The following ATG7 variants were observed in gnomAD, a reference collection of about 807,000 sequenced individuals.
ATG7 encodes autophagy related 7, also known as ubiquitin-like modifier-activating enzyme ATG7.
ATG7 carries 70 observed loss-of-function variants against 82.4 expected under a neutral mutation model. That is an observed-to-expected ratio of 0.85 (90% CI 0.70 to 1.04). ATG7 has a LOEUF of 1.04. ATG7 is among the 50% of genes least tolerant of loss of function. The probability of loss-of-function intolerance (pLI) is 0.00; values close to 1 mark genes in which losing one functional copy is unlikely to be tolerated. For synonymous variants in ATG7, 287 were observed against 313.0 expected (o/e 0.92, Z 0.88); for missense variants, 792 against 864.3 (o/e 0.92, Z 1.05).
intron 20 of ATG7, among the ~76,000 whole-genome samples, chr3:11,450,126 T>A (rs2084965337): frequency 6.6e-6 from 1 of 152,230 alleles, no homozygotes; most frequent in East Asian, 1.9e-4. Flanking sequence ...AAGCATTTAT[T>A]TGGATTATCT....
chr3:11,440,612 C>G (rs1381593888), intron 20 of ATG7, among the ~76,000 whole-genome samples: 1 of 149,630 alleles, frequency 6.7e-6, no homozygotes, highest in Admixed American at 6.7e-5. Context: ...GCGTGAGCCA[C>G]CGCGCCCGGC....
chr3:11,492,355 C>G (rs189722892), intron 20 of ATG7, among the ~76,000 whole-genome samples: 1 of 152,188 alleles, frequency 6.6e-6, no homozygotes, highest in African/African-American at 2.4e-5. Context: ...TGTCCTGCGC[C>G]CACTGTCTGG....
intron 19 of ATG7, among the ~76,000 whole-genome samples, chr3:11,413,370 A>G (rs769184005): frequency 6.6e-6 from 1 of 152,096 alleles, no homozygotes; most frequent in Non-Finnish European, 1.5e-5. Flanking sequence ...TTTATCATGA[A>G]AGGGGTTGAA....
At chr3:11,539,248 AT>A (rs1439505708) in intron 20 of ATG7, among the ~76,000 whole-genome samples, 1 of 152,224 alleles carries the variant, frequency 6.6e-6, no homozygotes, top group Non-Finnish European at 1.5e-5. Context: ...GGGAGACAGC[AT>A]TTTTGTCCTC....
intron 14 of ATG7, among the ~76,000 whole-genome samples, chr3:11,353,652 C>T (rs1056511485): frequency 6.6e-6 from 1 of 152,078 alleles, no homozygotes; most frequent in Non-Finnish European, 1.5e-5. Context: ...TTCTCGACCT[C>T]TTAGTTCACG....
chr3:11,284,513 C>G (rs1270994779), intron 3 of ATG7, among the ~76,000 whole-genome samples: 1 of 152,150 alleles, frequency 6.6e-6, no homozygotes, highest in Admixed American at 6.5e-5. Flanking sequence ...CTTCGTAGGA[C>G]TGGTATGGTT....
chr3:11,281,003 C>T lies in ATG7; in HGVS notation c.-356C>T, dbSNP rs1575123606. ...CCTCTAATTATGTCAGGATCCAATTCCTGTATCTTCACCTTGTCTACCGGG... is the reference window on the plus strand; with the variant it reads ...CCTCTAATTATGTCAGGATCCAATTTCTGTATCTTCACCTTGTCTACCGGG... On this transcript the variant is annotated 5_prime_UTR_variant, in exon 2 of 21. Transcript: ENST00000693202. 2 of 152,308 alleles carry T rather than the reference C, an allele frequency of 1.3e-5. No homozygotes were observed. Among genetic ancestry groups the T allele is most frequent in the Admixed American group, 1.3e-4 (2 of 15,298 alleles). The allele number at this position is 152,308 out of a possible 1,614,324, so 9.4% of individuals were successfully genotyped here.
intron 20 of ATG7, among the ~76,000 whole-genome samples, chr3:11,506,553 A>C (rs542101130): frequency 9.4e-4 from 39 of 41,332 alleles, no homozygotes; most frequent in Middle Eastern, 0.01. Context: ...CCCCATCTCT[A>C]CAAAAAAAAA....
intron 19 of ATG7, among the ~76,000 whole-genome samples, chr3:11,407,572 A>G (rs559504430): frequency 6.6e-6 from 1 of 152,336 alleles, no homozygotes; most frequent in African/African-American, 2.4e-5. Flanking sequence ...GTTCTCCATG[A>G]GGACCCCACC....
chr3:11,350,923 CAAAAAA>C (rs10709080), intron 14 of ATG7, among the ~76,000 whole-genome samples: 2 of 57,620 alleles, frequency 3.5e-5, no homozygotes, highest in Non-Finnish European at 6.0e-5. Context: ...GACCCTAGCC[CAAAAAA>C]AAAAAAAAAA....
chr3:11,332,914 T>C, intron 10 of ATG7, 58 bp from the exon 11 acceptor site: 4 of 1,386,056 alleles, frequency 2.9e-6, no homozygotes, highest in Non-Finnish European at 3.8e-6. Context: ...GTGAGCTTTT[T>C]CTTTTCCTTC....
intron 1 of ATG7, among the ~76,000 whole-genome samples, chr3:11,275,531 T>TC (rs1239388090): frequency 6.7e-6 from 1 of 148,686 alleles, no homozygotes; most frequent in East Asian, 2.0e-4. Flanking sequence ...TTTTTTTTTT[T>TC]TTTTTTTTAG....
At chr3:11,332,137 C>G (rs1195453470) in intron 10 of ATG7, among the ~76,000 whole-genome samples, 1 of 152,088 alleles carries the variant, frequency 6.6e-6, no homozygotes, top group African/African-American at 2.4e-5. Context: ...TTCACACGTT[C>G]TTCAATAATG....
intron 20 of ATG7, among the ~76,000 whole-genome samples, chr3:11,551,178 C>CT (rs762097316): frequency 2.0e-5 from 3 of 152,228 alleles, no homozygotes; most frequent in Admixed American, 6.5e-5. Flanking sequence ...TGCGGGCCGT[C>CT]TGAGTGTTCC....
At chr3:11,388,319 C>G (rs7616608) in intron 19 of ATG7, among the ~76,000 whole-genome samples, 4 of 151,910 alleles carry the variant, frequency 2.6e-5, no homozygotes, top group African/African-American at 4.8e-5. Context: ...TGATGGAGGA[C>G]GGTACTAACT....
rs529067414 is a variant in ATG7 at position 11,305,007 on chromosome 3, C to G, written c.216-1936C>G. Among the ~76,000 whole-genome samples the G allele has an allele frequency of 2.6e-5, 4 of 152,256 alleles. No homozygotes were observed. In the South Asian group the frequency reaches 8.3e-4, roughly 32 times the overall value. ...CCCTTAGCAATTACTCTCCATCCCC[C>G]CTCCTCCATACTCACCAGCCCTAGC... On this transcript the variant is annotated intron_variant, in intron 5 of 20. Transcript: ENST00000693202.
At position 11,445,893 on chromosome 3, in the gene ATG7, A is replaced by G. The variant is rs147508598; in HGVS notation, c.2079+18967A>G. 4.8e-3 allele frequency among the ~76,000 whole-genome samples: 736 copies of G among 152,210 alleles called. 6 individuals are homozygous for G. Among genetic ancestry groups the G allele is most frequent in the African/African-American group, 0.017 (705 of 41,506 alleles). The stretch of plus-strand genomic sequence containing the variant: ...TTACTTTGCATTTTCCTGATCACTG[A>G]TGATGTTAAACGTCTTATGTATATT... On this transcript the variant is annotated intron_variant, in intron 20 of 20. Coordinates refer to ENST00000693202, the MANE Select transcript of ATG7 (RefSeq NM_001349232.2).
chr3:11,490,623 C>G (rs1322550819), intron 20 of ATG7, among the ~76,000 whole-genome samples: 1 of 152,182 alleles, frequency 6.6e-6, no homozygotes, highest in Non-Finnish European at 1.5e-5. Context: ...TTGTTCCTTT[C>G]CATGTTTAGT....
chr3:11,308,822 A>G (rs1948178706), intron 6 of ATG7, 162 bp from the exon 7 acceptor site: 1 of 665,822 alleles, frequency 1.5e-6, no homozygotes, highest in Admixed American at 2.4e-5. Context: ...GGCAGTGTGA[A>G]GTCGGCAGAG....
Sources: gnomAD v4.1 joint callset for allele counts (sites outside exome capture counted in the v4.1 genomes callset) on GRCh38, gnomAD v4.1.1 for gene constraint, MANE v1.5 for transcripts, NCBI Gene and HGNC (gene_info 2026-07-23, HGNC 2026-07-21) for gene names.